The following PUM1 variants were observed in gnomAD, a reference collection of about 807,000 sequenced individuals.
PUM1 encodes pumilio RNA binding family member 1.
Under a neutral mutation model 131.8 loss-of-function variants are expected in PUM1, and 13 were observed. The ratio of observed to expected loss-of-function variants is 0.10; its 90% CI spans 0.06 to 0.16. The LOEUF (loss-of-function observed/expected upper bound fraction) is 0.16. PUM1 is among the 10% of genes least tolerant of loss of function. PUM1 has a pLI of 1.00. For synonymous variants in PUM1, 509 were observed against 556.5 expected (o/e 0.91, Z 1.20); for missense variants, 961 against 1,512.4 (o/e 0.64, Z 6.05).
intron 19 of PUM1, 138 bp downstream of exon 19, chr1:30,941,860 A>C: frequency 2.0e-6 from 2 of 995,000 alleles, no homozygotes; most frequent in Middle Eastern, 7.6e-4. Context: ...GCTGCTCTGA[A>C]TACAAATACA....
chr1:30,993,570 T>G (rs757378517), intron 6 of PUM1, among the ~76,000 whole-genome samples: 1 of 152,122 alleles, frequency 6.6e-6, no homozygotes, highest in Non-Finnish European at 1.5e-5. Context: ...TGTAGTCCAG[T>G]AGCTGGTACA....
rs763109981 is a variant in PUM1, at chr1:30,942,012, C to T, written c.3106G>A (p.Glu1036Lys). Residue 1036 changes from glutamate to lysine, a missense_variant, in exon 19 of 22, where the codon GAG (glutamate) becomes AAG (lysine). This residue lies in a region of PUM1 where 178 missense variants were observed against 327.5 expected (regional missense o/e 0.54). Transcript: ENST00000426105. ...PILEELHQHTEQLVQDQYGNY... is the reference protein window; with the variant it reads ...PILEELHQHTKQLVQDQYGNY... ...AACTCCACTACCTGTACAAGCTGCT[C>T]TGTGTGCTGGTGAAGCTCCTCTAAA... is the stretch of plus-strand genomic sequence containing the variant. The T allele has an allele frequency of 6.3e-7, 1 of 1,580,004 alleles. No homozygotes were observed. The highest frequency in any genetic ancestry group is 8.6e-7 in the Non-Finnish European group (1 of 1,158,786).
rs1644466557 is a variant in PUM1 at position 31,065,596 on chromosome 1, G to A, written c.-12+20C>T. 1 of 1,543,894 alleles carries A rather than the reference G, an allele frequency of 6.5e-7. No individual in the cohort carries two copies. The highest frequency in any genetic ancestry group is 1.2e-5 in the South Asian group (1 of 83,882). ...GGGGTCCGGAGCAGCGTTTGGGGCC[G>A]GTGGGGTGCGGATACTCACGGGCGG... On this transcript the variant is annotated intron_variant, in intron 1 of 21. Coordinates refer to ENST00000426105, the MANE Select transcript of PUM1 (RefSeq NM_001020658.2).
chr1:30,988,308 C>T (rs1641645318), intron 7 of PUM1, among the ~76,000 whole-genome samples: 1 of 152,186 alleles, frequency 6.6e-6, no homozygotes, highest in Admixed American at 6.5e-5. Flanking sequence ...ATGAAAATTA[C>T]CTTTTCCCTA....
In PUM1 at chr1:30,932,714, TTCAAACTTC is replaced by T. The variant is rs1296638299; in HGVS notation, c.*488_*496del. 6.7e-6 allele frequency: 1 copy of T among 150,158 alleles called. No individual in the cohort carries two copies. The highest frequency in any genetic ancestry group is 1.5e-5 in the Non-Finnish European group (1 of 67,536). The allele number at this position is 150,158 out of a possible 1,614,324, so 9.3% of individuals were successfully genotyped here. Reference sequence around the variant, plus strand: ...CCAGTTTGGGGTCATTTAACTACAATTCAAACTTCTCAGGTTTTTTTGTTTTTGTTTGTT... The same window carrying T: ...CCAGTTTGGGGTCATTTAACTACAATTCAGGTTTTTTTGTTTTTGTTTGTT... On this transcript the variant is annotated 3_prime_UTR_variant, in exon 22 of 22. Coordinates refer to ENST00000426105, the MANE Select transcript of PUM1 (RefSeq NM_001020658.2).
At chr1:31,059,681 T>C in intron 1 of PUM1, 104 bp from the exon 2 acceptor site, 1 of 1,358,608 alleles carries the variant, frequency 7.4e-7, no homozygotes, top group Non-Finnish European at 9.9e-7. Flanking sequence ...TAAATAAATG[T>C]CGTTGGTGGC....
intron 2 of PUM1, among the ~76,000 whole-genome samples, chr1:31,036,349 G>A (rs536905370): frequency 6.6e-6 from 1 of 152,268 alleles, no homozygotes; most frequent in East Asian, 1.9e-4. Context: ...GATTACAGGT[G>A]TGAGCCACCA....
intron 7 of PUM1, among the ~76,000 whole-genome samples, chr1:30,984,348 C>T (rs1027059663): frequency 6.6e-6 from 1 of 152,152 alleles, no homozygotes; most frequent in African/African-American, 2.4e-5. Flanking sequence ...TGGCAAGTGA[C>T]AGATTCCAAA....
rs56656047 is a variant in PUM1, at chr1:30,960,982, G to GA, written c.2323+3691dup. Among the ~76,000 whole-genome samples the GA allele has an allele frequency of 4.1e-4, 60 of 146,068 alleles. 1 individual carries two copies. Among genetic ancestry groups the GA allele is most frequent in the East Asian group, 1.6e-3 (8 of 4,860 alleles). On this transcript the variant is annotated intron_variant, in intron 14 of 21. Coordinates refer to ENST00000426105, the MANE Select transcript of PUM1 (RefSeq NM_001020658.2). ...TTTTAAAAGACAACATTTTAAAAATGAAAAAAAAAAGGGACCAGCCTGGCC... is the reference window on the plus strand; with the variant it reads ...TTTTAAAAGACAACATTTTAAAAATGAAAAAAAAAAAGGGACCAGCCTGGCC...
At chr1:30,938,920 C>CAG (rs1639331229) in intron 20 of PUM1, among the ~76,000 whole-genome samples, 1 of 83,124 alleles carries the variant, frequency 1.2e-5, no homozygotes, top group East Asian at 2.0e-4. Context: ...GACAGACAGA[C>CAG]AGACAGACAG....
chr1:31,030,461 G>C (rs1035893481), intron 2 of PUM1, among the ~76,000 whole-genome samples: 5 of 152,040 alleles, frequency 3.3e-5, no homozygotes, highest in Non-Finnish European at 7.4e-5. Flanking sequence ...TTTATTTGAG[G>C]CAAGATCACT....
chr1:30,972,274 AAGGGAAGGGAAGGG>A (rs1490187564), intron 10 of PUM1, among the ~76,000 whole-genome samples: 14,095 of 19,896 alleles, frequency 0.71, 4,575 homozygotes, highest in South Asian at 0.76. Flanking sequence ...AAAAGAAGGG[AAGGGAAGGGAAGGG>A]GAGGGGAGGG....
intron 1 of PUM1, among the ~76,000 whole-genome samples, chr1:31,062,481 G>A (rs1295502581): frequency 2.6e-5 from 4 of 152,008 alleles, no homozygotes; most frequent in Admixed American, 2.6e-4. Context: ...GTAGCCAGGT[G>A]TGGTGGCACG....
intron 2 of PUM1, among the ~76,000 whole-genome samples, chr1:31,045,451 T>A (rs1422047711): frequency 6.6e-6 from 1 of 152,084 alleles, no homozygotes; most frequent in Non-Finnish European, 1.5e-5. Flanking sequence ...GCTGCTATTT[T>A]AAAAAATCTT....
chr1:31,014,255 T>G lies in PUM1; in HGVS notation c.433-7153A>C, dbSNP rs1427532524. The stretch of plus-strand genomic sequence containing the variant: ...GGTCAAGGCTGCAGTGAGCCATGAT[T>G]GTGCCACTGCACTCTAGCCTGGGCA... On this transcript the variant is annotated intron_variant, in intron 3 of 21. Transcript: ENST00000426105. 2.7e-5 allele frequency among the ~76,000 whole-genome samples: 4 copies of G among 147,960 alleles called. No homozygotes were observed. In the East Asian group the frequency reaches 8.0e-4, roughly 30 times the overall value.
intron 16 of PUM1, 101 bp from the exon 17 acceptor site, chr1:30,950,362 C>T (rs1490942136): frequency 8.1e-7 from 1 of 1,233,208 alleles, no homozygotes; most frequent in East Asian, 2.4e-5. Context: ...GGCATAACCT[C>T]TTTTAGCCCT....
intron 5 of PUM1, among the ~76,000 whole-genome samples, chr1:31,003,497 T>TCAC (rs1350642836): frequency 6.6e-6 from 1 of 151,946 alleles, no homozygotes; most frequent in East Asian, 1.9e-4. Context: ...TGGCTCACGC[T>TCAC]TGTAATCCCA....
intron 3 of PUM1, among the ~76,000 whole-genome samples, chr1:31,025,280 G>GT (rs1643179739): frequency 6.6e-6 from 1 of 151,980 alleles, no homozygotes; most frequent in African/African-American, 2.4e-5. Flanking sequence ...AGAAAAAAAC[G>GT]TAACAAGAGT....
intron 20 of PUM1, among the ~76,000 whole-genome samples, chr1:30,939,950 T>C (rs1639374869): frequency 6.6e-6 from 1 of 152,210 alleles, no homozygotes; most frequent in Non-Finnish European, 1.5e-5. Flanking sequence ...AATTAAATAC[T>C]GTGAACAAAA....
Sources: gnomAD v4.1 joint callset for allele counts (sites outside exome capture counted in the v4.1 genomes callset) on GRCh38, gnomAD v4.1.1 for gene constraint, gnomAD v4.1.1 regional missense constraint, MANE v1.5 for transcripts, NCBI Gene and HGNC (gene_info 2026-07-23, HGNC 2026-07-21) for gene names.